The following SLC25A26 variants were observed in gnomAD, a reference collection of about 807,000 sequenced individuals.
The protein encoded by SLC25A26 is mitochondrial S-adenosylmethionine carrier protein.
A neutral mutation model predicts 37.8 loss-of-function variants in SLC25A26; 36 were observed. That is an observed-to-expected ratio of 0.95 (90% confidence interval 0.73 to 1.26). The LOEUF (loss-of-function observed/expected upper bound fraction) is 1.26, where lower values mean the gene tolerates loss of function less well. SLC25A26 is among the 50% of genes most tolerant of loss of function. SLC25A26 has a pLI of 0.00. For synonymous variants in SLC25A26, 129 were observed against 122.5 expected (o/e 1.05, Z -0.35); for missense variants, 390 against 331.1 (o/e 1.18, Z -1.38).
intron 5 of SLC25A26, among the ~76,000 whole-genome samples, chr3:66,341,439 C>T (rs868035081): frequency 2.0e-4 from 30 of 150,442 alleles, no homozygotes; most frequent in African/African-American, 7.3e-4. Context: ...TAAAGTGATA[C>T]ATTAGGAGCC....
chr3:66,222,706 CTG>C (rs2071559082), intron 1 of SLC25A26, among the ~76,000 whole-genome samples: 1 of 152,212 alleles, frequency 6.6e-6, no homozygotes, highest in Non-Finnish European at 1.5e-5. Context: ...TCCATTTCGT[CTG>C]TGTAAGTATT....
intron 5 of SLC25A26, among the ~76,000 whole-genome samples, chr3:66,344,279 A>G (rs562246886): frequency 2.0e-4 from 30 of 152,280 alleles, no homozygotes; most frequent in African/African-American, 7.2e-4. Context: ...CCTGGCTAAC[A>G]TGGTGAAACC....
intron 3 of SLC25A26, among the ~76,000 whole-genome samples, chr3:66,252,622 C>G (rs1487746907): frequency 6.6e-6 from 1 of 152,176 alleles, no homozygotes. Flanking sequence ...AAGTGTCCAG[C>G]CTAGCATCTG....
Position 66,367,661 on chromosome 3 carries a change from T to C in SLC25A26, c.569-1817T>C, listed in dbSNP as rs546644573. Among the ~76,000 whole-genome samples, 11 of 151,560 alleles carry C rather than the reference T, an allele frequency of 7.3e-5. No homozygotes were observed. The East Asian group carries it at 1.4e-3, about 19-fold the overall frequency. ...TGTGTCTTTTTTCCTTTTCTTCCTT[T>C]CTTGGGGGAGATAGATAGATAGACA... On this transcript the variant is annotated intron_variant, in intron 7 of 9. Coordinates refer to ENST00000354883, the MANE Select transcript of SLC25A26 (RefSeq NM_001379210.1).
chr3:66,183,078 A>C (rs2070747820), intron 1 of SLC25A26, among the ~76,000 whole-genome samples: 1 of 152,120 alleles, frequency 6.6e-6, no homozygotes, highest in African/African-American at 2.4e-5. Flanking sequence ...TATACAACAA[A>C]TACCCAAAAA....
chr3:66,172,421 A>AAAAAAAAAAAAAAAAAAAAG (rs2070514175), intron 1 of SLC25A26, among the ~76,000 whole-genome samples: 2 of 150,672 alleles, frequency 1.3e-5, no homozygotes, highest in African/African-American at 2.4e-5. Context: ...AAAAAAAAAA[A>AAAAAAAAAAAAAAAAAAAAG]AAAAAAAAAG....
At chr3:66,155,594 T>C (rs1324667289) in intron 1 of SLC25A26, among the ~76,000 whole-genome samples, 28 of 152,366 alleles carry the variant, frequency 1.8e-4, no homozygotes, top group African/African-American at 2.4e-5. Flanking sequence ...ATGGCTCCTA[T>C]GTGGTAGGAT....
chr3:66,155,169 G>A lies in SLC25A26; in HGVS notation c.-354+21185G>A, dbSNP rs145900458. On this transcript the variant is annotated intron_variant, in intron 1 of 10. Coordinates refer to the SLC25A26 transcript ENST00000676754. ...CATATCTGTGTCCCTTTACCTTTTAGCCCAGAGACCAGCTCAATAAATACT... is the reference window on the plus strand; with the variant it reads ...CATATCTGTGTCCCTTTACCTTTTAACCCAGAGACCAGCTCAATAAATACT... Among the ~76,000 whole-genome samples, 555 of 152,264 alleles carry A rather than the reference G, an allele frequency of 3.6e-3. 5 individuals are homozygous for A. Among genetic ancestry groups the A allele is most frequent in the African/African-American group, 0.013 (528 of 41,556 alleles).
chr3:66,344,789 A>G (rs17044325), intron 5 of SLC25A26, among the ~76,000 whole-genome samples: 5,678 of 152,308 alleles, frequency 0.037, 334 homozygotes, highest in African/African-American at 0.13. Flanking sequence ...TTTGAATTTC[A>G]GAAAATTAAT....
chr3:66,221,155 C>G (rs1553658193), intron 1 of SLC25A26, 28 bp downstream of exon 1: 1 of 1,500,448 alleles, frequency 6.7e-7, no homozygotes, highest in Non-Finnish European at 8.8e-7. Context: ...GGGTGGGTTG[C>G]TCAGAGTGCC....
At chr3:66,299,431 C>G (rs1345760143) in intron 5 of SLC25A26, among the ~76,000 whole-genome samples, 1 of 152,130 alleles carries the variant, frequency 6.6e-6, no homozygotes, top group Non-Finnish European at 1.5e-5. Context: ...CTCAAGTGAT[C>G]TGCTCACCTC....
chr3:66,345,174 C>A (rs745610030), intron 5 of SLC25A26, among the ~76,000 whole-genome samples: 6 of 152,116 alleles, frequency 3.9e-5, no homozygotes, highest in Non-Finnish European at 7.4e-5. Flanking sequence ...GCATGACTCT[C>A]CTCCCTAGCT....
At chr3:66,241,925 T>A (rs1002358692) in intron 2 of SLC25A26, among the ~76,000 whole-genome samples, 8 of 151,546 alleles carry the variant, frequency 5.3e-5, no homozygotes, top group Non-Finnish European at 1.2e-4. Flanking sequence ...TTTTTTTTTT[T>A]AAAGAGCCAG....
rs1700775915 is a variant in SLC25A26, at chr3:66,377,998, G to C, written c.*191G>C. The C allele has an allele frequency of 3.8e-6, 2 of 523,248 alleles. No homozygotes were observed. The highest frequency in any genetic ancestry group is 6.8e-6 in the Non-Finnish European group (2 of 293,390). The allele number at this position is 523,248 out of a possible 1,614,324, so 32.4% of individuals were successfully genotyped here. On this transcript the variant is annotated 3_prime_UTR_variant, in exon 10 of 10. Coordinates refer to ENST00000354883, the MANE Select transcript of SLC25A26 (RefSeq NM_001379210.1). The stretch of plus-strand genomic sequence containing the variant: ...AAGTCATTGGCCTGTATGCCAGAGA[G>C]CTAAGAGAAGAAAACGGGGTCTGTG...
chr3:66,191,925 GT>G (rs2070950208), intron 1 of SLC25A26, among the ~76,000 whole-genome samples: 2 of 150,838 alleles, frequency 1.3e-5, no homozygotes, highest in African/African-American at 4.9e-5. Context: ...AAAAAAAAAA[GT>G]TAAAATTCTA....
chr3:66,165,388 A>G (rs2070411912), intron 1 of SLC25A26, among the ~76,000 whole-genome samples: 2 of 152,214 alleles, frequency 1.3e-5, no homozygotes, highest in Non-Finnish European at 1.5e-5. Flanking sequence ...CAGATCTATT[A>G]CATTAAGCTC....
chr3:66,365,316 T>C (rs569133320), intron 7 of SLC25A26, among the ~76,000 whole-genome samples: 2 of 152,238 alleles, frequency 1.3e-5, no homozygotes, highest in Admixed American at 1.3e-4. Flanking sequence ...TGGCACTCTT[T>C]CTTGTTCATG....
At chr3:66,150,547 AAT>A (rs1242589987) in intron 1 of SLC25A26, among the ~76,000 whole-genome samples, 1 of 127,846 alleles carries the variant, frequency 7.8e-6, no homozygotes, top group Non-Finnish European at 1.6e-5. Flanking sequence ...ATATATATAA[AAT>A]ATATATAATG....
chr3:66,260,332 G>C (rs530789191), intron 3 of SLC25A26, among the ~76,000 whole-genome samples: 65 of 152,204 alleles, frequency 4.3e-4, no homozygotes, highest in African/African-American at 1.5e-3. Context: ...TTCTTGAACT[G>C]AATTAGATAA....
Sources: gnomAD v4.1 joint callset for allele counts (sites outside exome capture counted in the v4.1 genomes callset) on GRCh38, gnomAD v4.1.1 for gene constraint, MANE v1.5 for transcripts, NCBI Gene and HGNC (gene_info 2026-07-23, HGNC 2026-07-21) for gene names.